CAMK2D: variants seen among roughly 807,000 people sequenced by gnomAD.
CAMK2D encodes calcium/calmodulin dependent protein kinase II delta.
A neutral mutation model predicts 84.0 loss-of-function variants in CAMK2D; 37 were observed. That is an observed-to-expected ratio of 0.44 (90% confidence interval 0.34 to 0.58). CAMK2D has a LOEUF of 0.58. CAMK2D is among the 20% of genes least tolerant of loss of function. The pLI is 0.02. For missense variants in CAMK2D, 448 were observed against 652.5 expected (o/e 0.69, Z 3.41); for synonymous variants, 202 against 212.5 (o/e 0.95, Z 0.43).
chr4:113,467,369 C>G (rs1220962905), intron 16 of CAMK2D, among the ~76,000 whole-genome samples: 2 of 152,088 alleles, frequency 1.3e-5, no homozygotes, highest in Non-Finnish European at 2.9e-5. Flanking sequence ...TTCAGGTTAC[C>G]TAGGTGATGA....
intron 2 of CAMK2D, among the ~76,000 whole-genome samples, chr4:113,729,328 CA>C (rs1172387127): frequency 2.6e-5 from 4 of 152,180 alleles, no homozygotes; most frequent in Non-Finnish European, 4.4e-5. Context: ...CCACGTTTCT[CA>C]CCATGAGCCG....
chr4:113,522,443 G>A (rs2098373209), intron 8 of CAMK2D, among the ~76,000 whole-genome samples: 1 of 151,590 alleles, frequency 6.6e-6, no homozygotes, highest in African/African-American at 2.4e-5. Context: ...TAGAGAAAGT[G>A]CTCAACTAAC....
chr4:113,470,488 C>T (rs2097534199), intron 16 of CAMK2D, among the ~76,000 whole-genome samples: 1 of 151,894 alleles, frequency 6.6e-6, no homozygotes, highest in Non-Finnish European at 1.5e-5. Flanking sequence ...AAGTACAAAC[C>T]TTAGCTAGGT....
At chr4:113,497,569 G>A (rs957474397) in intron 16 of CAMK2D, among the ~76,000 whole-genome samples, 2 of 152,064 alleles carry the variant, frequency 1.3e-5, no homozygotes, top group Non-Finnish European at 2.9e-5. Flanking sequence ...ATTCAAAGAC[G>A]CCAGAAAGAA....
chr4:113,692,043 C>A (rs564579436), intron 2 of CAMK2D, among the ~76,000 whole-genome samples: 3 of 152,292 alleles, frequency 2.0e-5, no homozygotes, highest in Admixed American at 6.5e-5. Context: ...GAGGAAACCA[C>A]TGAATAATTT....
intron 2 of CAMK2D, among the ~76,000 whole-genome samples, chr4:113,748,332 G>A (rs762785355): frequency 7.9e-5 from 12 of 151,576 alleles, no homozygotes; most frequent in African/African-American, 2.7e-4. Flanking sequence ...TTAGAATCAC[G>A]CTCCTTAAAA....
intron 2 of CAMK2D, among the ~76,000 whole-genome samples, chr4:113,713,981 A>T (rs2099504005): frequency 6.6e-6 from 1 of 151,846 alleles, no homozygotes; most frequent in African/African-American, 2.4e-5. Flanking sequence ...TGAGTTTTTA[A>T]AACAAATATA....
At chr4:113,625,383 T>C (rs1209061827) in intron 3 of CAMK2D, among the ~76,000 whole-genome samples, 1 of 152,044 alleles carries the variant, frequency 6.6e-6, no homozygotes, top group Admixed American at 6.6e-5. Context: ...ATAAGTGTTC[T>C]GAAAAACAAT....
chr4:113,503,676 C>T (rs1169722381), intron 14 of CAMK2D, among the ~76,000 whole-genome samples: 3 of 152,040 alleles, frequency 2.0e-5, no homozygotes, highest in Non-Finnish European at 2.9e-5. Context: ...TAAAAAACTT[C>T]TACTTTATGG....
At chr4:113,523,389 C>CTT (rs199760388) in intron 8 of CAMK2D, among the ~76,000 whole-genome samples, 1 of 147,246 alleles carries the variant, frequency 6.8e-6, no homozygotes, top group Non-Finnish European at 1.5e-5. Context: ...CTCAGTGAAT[C>CTT]TTTTTTTTTT....
At chr4:113,702,178 C>T (rs563563295) in intron 2 of CAMK2D, among the ~76,000 whole-genome samples, 161 of 152,232 alleles carry the variant, frequency 1.1e-3, no homozygotes, top group Non-Finnish European at 1.9e-3. Flanking sequence ...TGTAACATTA[C>T]TAAGAGGTTA....
At chr4:113,643,643 GAGT>G (rs1295425129) in intron 3 of CAMK2D, among the ~76,000 whole-genome samples, 8 of 152,244 alleles carry the variant, frequency 5.3e-5, no homozygotes, top group African/African-American at 1.9e-4. Context: ...AAGTGAATGA[GAGT>G]AGGTCAGTAT....
At chr4:113,717,275 T>C (rs2148556636) in intron 2 of CAMK2D, among the ~76,000 whole-genome samples, 1 of 152,238 alleles carries the variant, frequency 6.6e-6, no homozygotes, top group East Asian at 1.9e-4. Context: ...TTAGAAACAG[T>C]ATCAATAGCC....
chr4:113,457,237 C>A (rs1031204432), intron 19 of CAMK2D, 98 bp downstream of exon 19: 2 of 1,500,284 alleles, frequency 1.3e-6, no homozygotes, highest in East Asian at 2.4e-5. Flanking sequence ...CAACTACTAG[C>A]GTTAAATAAC....
chr4:113,457,695 A>G (rs1475458422), intron 18 of CAMK2D, 132 bp from the exon 19 acceptor site: 2 of 666,690 alleles, frequency 3.0e-6, no homozygotes, highest in African/African-American at 3.6e-5. Flanking sequence ...TAATTAATCT[A>G]CTATTTGTAC....
intron 2 of CAMK2D, among the ~76,000 whole-genome samples, chr4:113,687,309 A>G (rs1246644715): frequency 6.6e-6 from 1 of 152,262 alleles, no homozygotes; most frequent in African/African-American, 2.4e-5. Flanking sequence ...TATTCACACA[A>G]AATGGGTGAT....
intron 4 of CAMK2D, among the ~76,000 whole-genome samples, chr4:113,560,506 T>A (rs183465635): frequency 7.4e-4 from 113 of 152,308 alleles, no homozygotes; most frequent in Admixed American, 1.6e-3. Context: ...CCATAATCCT[T>A]AAGACCTAGC....
intron 17 of CAMK2D, among the ~76,000 whole-genome samples, chr4:113,463,939 TTAA>T (rs2097424673): frequency 1.3e-5 from 2 of 152,350 alleles, no homozygotes; most frequent in African/African-American, 4.8e-5. Flanking sequence ...TTTATACTTG[TTAA>T]ATTCTTATAA....
At chr4:113,554,546 C>T (rs1418787489) in intron 4 of CAMK2D, among the ~76,000 whole-genome samples, 3 of 151,970 alleles carry the variant, frequency 2.0e-5, no homozygotes, top group African/African-American at 7.2e-5. Flanking sequence ...TTCATTCGTC[C>T]CATTATTTAA....
Sources: gnomAD v4.1 joint callset for allele counts (sites outside exome capture counted in the v4.1 genomes callset) on GRCh38, gnomAD v4.1.1 for gene constraint, MANE v1.5 for transcripts, NCBI Gene and HGNC (gene_info 2026-07-23, HGNC 2026-07-21) for gene names.